DLGAP2: variants seen among roughly 807,000 people sequenced by gnomAD.
DLGAP2 encodes the protein DLG associated protein 2, also known as disks large-associated protein 2.
Under a neutral mutation model 100.3 loss-of-function variants are expected in DLGAP2, and 26 were observed. The observed-to-expected ratio is 0.26, with a 90% CI of 0.19 to 0.36. The LOEUF is 0.36. DLGAP2 is among the 10% of genes least tolerant of loss of function. The pLI, the probability that DLGAP2 is intolerant of heterozygous loss-of-function variation, is 1.00. For missense variants in DLGAP2, 1,858 were observed against 1,453.2 expected, an observed-to-expected ratio of 1.28 and a Z score of -4.53; for synonymous variants, 886 against 630.1, an observed-to-expected ratio of 1.41 and a Z score of -6.08.
At chr8:808,066 A>C (rs9314632) in intron 1 of DLGAP2, among the ~76,000 whole-genome samples, 31,192 of 151,968 alleles carry the variant, frequency 0.21, 3,830 homozygotes, top group African/African-American at 0.35. Flanking sequence ...GATTTGGATA[A>C]TTTTACGCTC....
At chr8:744,295 C>A (rs1293200057) in intron 1 of DLGAP2, among the ~76,000 whole-genome samples, 1 of 152,108 alleles carries the variant, frequency 6.6e-6, no homozygotes, top group East Asian at 1.9e-4. Flanking sequence ...CACCTCTCAC[C>A]ACCTTGTAAT....
intron 1 of DLGAP2, among the ~76,000 whole-genome samples, chr8:872,853 A>G (rs1329434810): frequency 1.3e-5 from 2 of 152,314 alleles, no homozygotes; most frequent in East Asian, 3.9e-4. Flanking sequence ...CAGCACAGTC[A>G]GTCCTCAATA....
At chr8:1,526,790 C>A (rs151166925) in intron 4 of DLGAP2, among the ~76,000 whole-genome samples, 1 of 152,296 alleles carries the variant, frequency 6.6e-6, no homozygotes, top group East Asian at 1.9e-4. Context: ...TATTGGAAAC[C>A]CAGAGCTTCC....
At chr8:1,022,029 AG>A (rs1293305617) in intron 2 of DLGAP2, among the ~76,000 whole-genome samples, 1 of 152,208 alleles carries the variant, frequency 6.6e-6, no homozygotes, top group East Asian at 1.9e-4. Context: ...GGCCTTGCAA[AG>A]GGGTGAGTTG....
chr8:1,430,804 A>G (rs758303536), intron 3 of DLGAP2, among the ~76,000 whole-genome samples: 8 of 152,262 alleles, frequency 5.3e-5, no homozygotes, highest in Non-Finnish European at 1.0e-4. Context: ...GTTAGTCTTT[A>G]AAGGACGACC....
intron 2 of DLGAP2, among the ~76,000 whole-genome samples, chr8:1,253,114 G>T (rs1799086327): frequency 6.6e-6 from 1 of 152,194 alleles, no homozygotes; most frequent in African/African-American, 2.4e-5. Context: ...CCTGTAGAAG[G>T]AGCACAGATG....
intron 2 of DLGAP2, among the ~76,000 whole-genome samples, chr8:1,182,359 C>T (rs1040352121): frequency 6.6e-6 from 1 of 152,250 alleles, no homozygotes; most frequent in African/African-American, 2.4e-5. Context: ...TGCCAGGTGG[C>T]TGGACTGAGA....
chr8:948,998 A>T (rs912305472), intron 2 of DLGAP2, among the ~76,000 whole-genome samples: 1 of 137,104 alleles, frequency 7.3e-6, no homozygotes, highest in Non-Finnish European at 1.6e-5. Context: ...CCGGGGTGGG[A>T]GCAGGACCTG....
chr8:1,162,184 C>T (rs1162888210), intron 2 of DLGAP2, among the ~76,000 whole-genome samples: 3 of 152,178 alleles, frequency 2.0e-5, no homozygotes, highest in Non-Finnish European at 2.9e-5. Context: ...CTGCAGAACT[C>T]GGAGGCGAGG....
intron 6 of DLGAP2, among the ~76,000 whole-genome samples, chr8:1,571,019 G>A (rs780281999): frequency 1.7e-4 from 26 of 149,516 alleles, no homozygotes; most frequent in Non-Finnish European, 1.9e-4. Context: ...GTGAACTGGA[G>A]GGGCATCTTC....
At chr8:1,215,356 A>G (rs73542184) in intron 2 of DLGAP2, among the ~76,000 whole-genome samples, 11,356 of 146,208 alleles carry the variant, frequency 0.078, 796 homozygotes, top group African/African-American at 0.22. Flanking sequence ...GAGAGCTGAG[A>G]TCTAAAGCTA....
intron 2 of DLGAP2, among the ~76,000 whole-genome samples, chr8:1,246,498 C>G (rs748201262): frequency 4.6e-5 from 7 of 152,142 alleles, no homozygotes; most frequent in Admixed American, 6.5e-5. Context: ...CAGCACAGAG[C>G]CATTGGATTT....
chr8:1,665,494 T>TG (rs1233996845), intron 8 of DLGAP2, among the ~76,000 whole-genome samples: 2 of 152,116 alleles, frequency 1.3e-5, no homozygotes, highest in African/African-American at 4.8e-5. Context: ...TTTGGCGTGT[T>TG]TAATATCACC....
At position 1,628,908 on chromosome 8, in the gene DLGAP2, G is replaced by A. The variant is rs187668304; in HGVS notation, c.1590+2021G>A. On this transcript the variant is annotated intron_variant, in intron 7 of 14. Coordinates refer to ENST00000637795, the MANE Select transcript of DLGAP2 (RefSeq NM_001346810.2). ...GCCCTCCCATTATGCAGTTATCGGC[G>A]TGACAATGGAAGTACACAGTCAATT... 3.3e-5 allele frequency among the ~76,000 whole-genome samples: 5 copies of A among 152,366 alleles called. No homozygotes were observed. In the East Asian group the frequency reaches 5.8e-4, roughly 18 times the overall value.
In DLGAP2 at chr8:1,645,229, C is replaced by T. The variant is rs189539911; in HGVS notation, c.1810+12183C>T. ...TTACAATTTTTTAACCTTATAATAG[C>T]GTGAAAATCATCCACATTCTGTAGA... On this transcript the variant is annotated intron_variant, in intron 8 of 14. Coordinates refer to ENST00000637795, the MANE Select transcript of DLGAP2 (RefSeq NM_001346810.2). Among the ~76,000 whole-genome samples, 300 of 152,354 alleles carry T rather than the reference C, an allele frequency of 2.0e-3. 1 individual carries two copies. The highest frequency in any genetic ancestry group is 3.8e-3 in the Non-Finnish European group (256 of 68,038).
At chr8:1,513,936 C>A (rs1369382307) in intron 4 of DLGAP2, among the ~76,000 whole-genome samples, 1 of 152,246 alleles carries the variant, frequency 6.6e-6, no homozygotes, top group Admixed American at 6.5e-5. Context: ...TGAAACCCTG[C>A]TGCCTACGCA....
chr8:1,601,009 T>C (rs1313796165), intron 6 of DLGAP2, among the ~76,000 whole-genome samples: 1 of 152,234 alleles, frequency 6.6e-6, no homozygotes, highest in Admixed American at 6.5e-5. Context: ...TTCATGGATT[T>C]ATCTATCTTT....
At chr8:792,466 T>C (rs1389917836) in intron 1 of DLGAP2, among the ~76,000 whole-genome samples, 1 of 152,212 alleles carries the variant, frequency 6.6e-6, no homozygotes, top group Non-Finnish European at 1.5e-5. Context: ...TGTTTCACCA[T>C]AATAAAAACG....
At chr8:1,111,759 G>A (rs1436631889) in intron 2 of DLGAP2, among the ~76,000 whole-genome samples, 1 of 152,128 alleles carries the variant, frequency 6.6e-6, no homozygotes, top group Non-Finnish European at 1.5e-5. Flanking sequence ...TGGCTGTATA[G>A]TATTCCATGG....
Sources: allele counts gnomAD v4.1 joint callset (sites outside exome capture counted in the v4.1 genomes callset), GRCh38; gene constraint gnomAD v4.1.1; transcripts MANE v1.5; gene names NCBI Gene and HGNC (gene_info 2026-07-23, HGNC 2026-07-21).